Variants in KIF1B observed in about 807,000 individuals in gnomAD.
The protein encoded by KIF1B is kinesin family member 1B.
KIF1B carries 76 observed loss-of-function variants against 241.9 expected under a neutral mutation model. That is an observed-to-expected ratio of 0.31 (90% CI 0.26 to 0.38). The LOEUF is 0.38. KIF1B is among the 10% of genes least tolerant of loss of function. The pLI is 1.00. For synonymous variants in KIF1B, 750 were observed against 796.7 expected (o/e 0.94, Z 0.99); for missense variants, 1,622 against 2,271.4 (o/e 0.71, Z 5.81).
chr1:10,288,105 T>C (rs920544029), intron 15 of KIF1B, among the ~76,000 whole-genome samples: 3 of 152,084 alleles, frequency 2.0e-5, no homozygotes, highest in African/African-American at 4.8e-5. Context: ...TAAAATCATA[T>C]GCAGGGTGGG....
chr1:10,304,033 T>C lies in KIF1B; in HGVS notation c.2115+6787T>C, dbSNP rs1470722976. On this transcript the variant is annotated intron_variant, in intron 22 of 48. Transcript: ENST00000676179. ...TCGTCGGCAGAATGTACCTCATAGG[T>C]TCATCCCTCCTGAGAACCGGAAGCC... 4 of 1,611,544 alleles carry C rather than the reference T, an allele frequency of 2.5e-6. No individual in the cohort carries two copies. In the South Asian group the frequency reaches 4.4e-5, roughly 18 times the overall value.
At chr1:10,234,509 T>C (rs1010669202) in intron 2 of KIF1B, among the ~76,000 whole-genome samples, 1 of 130,656 alleles carries the variant, frequency 7.7e-6, no homozygotes, top group Non-Finnish European at 1.7e-5. Flanking sequence ...CGCCTGGCTG[T>C]TTTTTTTGTT....
At chr1:10,355,785 G>A (rs149841965) in intron 38 of KIF1B, among the ~76,000 whole-genome samples, 9 of 152,262 alleles carry the variant, frequency 5.9e-5, no homozygotes, top group African/African-American at 1.9e-4. Context: ...TGAGTCCATT[G>A]CAGTCTTGCA....
intron 15 of KIF1B, among the ~76,000 whole-genome samples, chr1:10,284,249 G>A (rs941294473): frequency 6.6e-6 from 1 of 151,812 alleles, no homozygotes; most frequent in African/African-American, 2.4e-5. Context: ...AAAAAAACAT[G>A]CTTTAGAAAC....
chr1:10,261,985 G>C lies in KIF1B; in HGVS notation c.429+15G>C, dbSNP rs1323796978. 1 of 1,575,336 alleles carries C rather than the reference G, an allele frequency of 6.3e-7. No individual in the cohort carries two copies. Among genetic ancestry groups the C allele is most frequent in the Middle Eastern group, 1.7e-4 (1 of 5,986 alleles). On this transcript the variant is annotated intron_variant, in intron 5 of 48. Transcript: ENST00000676179. Reference sequence around the variant, plus strand: ...ACTCTGTAGAGGTGAGTACAGCCGTGAGTTGACACCGTAAGCCCTTGTTTT... The same window carrying C: ...ACTCTGTAGAGGTGAGTACAGCCGTCAGTTGACACCGTAAGCCCTTGTTTT...
chr1:10,273,346 A>G (rs182504544), intron 10 of KIF1B, among the ~76,000 whole-genome samples: 77 of 152,236 alleles, frequency 5.1e-4, no homozygotes, highest in Middle Eastern at 3.4e-3. Context: ...TTGAGGTCAG[A>G]AGTTTGAGAC....
chr1:10,354,281 G>C (rs1222926341), intron 38 of KIF1B, among the ~76,000 whole-genome samples: 1 of 152,084 alleles, frequency 6.6e-6, no homozygotes, highest in African/African-American at 2.4e-5. Flanking sequence ...TCAAACTTTT[G>C]CTGGAAAGCC....
chr1:10,361,484 A>T (rs181437994), intron 39 of KIF1B, among the ~76,000 whole-genome samples: 38 of 152,314 alleles, frequency 2.5e-4, no homozygotes, highest in Non-Finnish European at 5.0e-4. Context: ...GAGAAACAAC[A>T]TTTACCTCAG....
chr1:10,268,922 A>G (rs114572336), intron 7 of KIF1B, among the ~76,000 whole-genome samples: 2,850 of 152,264 alleles, frequency 0.019, 41 homozygotes, highest in Non-Finnish European at 0.028. Context: ...ATTGTTAAAA[A>G]GATTAAGCGT....
chr1:10,286,951 G>GC (rs1275611384), intron 15 of KIF1B, among the ~76,000 whole-genome samples: 1 of 152,112 alleles, frequency 6.6e-6, no homozygotes, highest in Non-Finnish European at 1.5e-5. Context: ...GGCCCCTAGA[G>GC]TGGGGTATGG....
intron 12 of KIF1B, among the ~76,000 whole-genome samples, chr1:10,277,346 A>C (rs1427421220): frequency 6.6e-6 from 1 of 151,484 alleles, no homozygotes; most frequent in Non-Finnish European, 1.5e-5. Flanking sequence ...TTTGTTTGTT[A>C]GTTTTTGTTT....
intron 4 of KIF1B, among the ~76,000 whole-genome samples, chr1:10,261,592 G>A (rs1418851530): frequency 1.3e-5 from 2 of 151,986 alleles, no homozygotes; most frequent in East Asian, 1.9e-4. Context: ...TAAAAACTTA[G>A]GCACACATTT....
intron 2 of KIF1B, among the ~76,000 whole-genome samples, chr1:10,241,939 T>C (rs1647142878): frequency 1.3e-5 from 2 of 152,188 alleles, no homozygotes; most frequent in South Asian, 4.1e-4. Context: ...GCTACTTCTG[T>C]CTCTATGTCA....
At chr1:10,299,774 A>G (rs892359200) in intron 22 of KIF1B, among the ~76,000 whole-genome samples, 5 of 152,022 alleles carry the variant, frequency 3.3e-5, no homozygotes, top group Non-Finnish European at 5.9e-5. Flanking sequence ...CTTTTTACAC[A>G]CAGTTTTGGG....
At chr1:10,236,244 C>G (rs1369669179) in intron 2 of KIF1B, among the ~76,000 whole-genome samples, 1 of 151,798 alleles carries the variant, frequency 6.6e-6, no homozygotes, top group African/African-American at 2.4e-5. Context: ...TGCACTCCAG[C>G]CTGAGTGGCA....
At chr1:10,232,933 A>G (rs769157138) in intron 2 of KIF1B, among the ~76,000 whole-genome samples, 8 of 152,204 alleles carry the variant, frequency 5.3e-5, no homozygotes, top group Admixed American at 1.3e-4. Context: ...TTGTTTCTCT[A>G]TAGAATTGCT....
intron 1 of KIF1B, among the ~76,000 whole-genome samples, chr1:10,224,944 C>G (rs1352804937): frequency 3.3e-5 from 5 of 152,184 alleles, no homozygotes; most frequent in African/African-American, 1.2e-4. Context: ...TGTTCCACCT[C>G]AGATCATCAG....
intron 2 of KIF1B, among the ~76,000 whole-genome samples, chr1:10,254,250 C>T (rs534329785): frequency 4.6e-5 from 7 of 152,134 alleles, no homozygotes; most frequent in Non-Finnish European, 1.0e-4. Context: ...GGTGGTGAGA[C>T]TTCATGCATT....
At chr1:10,228,358 G>A (rs1646936485) in intron 1 of KIF1B, among the ~76,000 whole-genome samples, 1 of 147,818 alleles carries the variant, frequency 6.8e-6, no homozygotes, top group Admixed American at 6.8e-5. Flanking sequence ...TATTAATGAA[G>A]TTTTTAAAAA....
Sources: gnomAD v4.1 joint callset for allele counts (sites outside exome capture counted in the v4.1 genomes callset) on GRCh38, gnomAD v4.1.1 for gene constraint, MANE v1.5 for transcripts, NCBI Gene and HGNC (gene_info 2026-07-23, HGNC 2026-07-21) for gene names.